Variants in RYR2 observed in about 807,000 individuals in gnomAD.
The protein encoded by RYR2 is ryanodine receptor 2, also known as cardiac muscle ryanodine receptor-calcium release channel.
A neutral mutation model predicts 601.1 loss-of-function variants in RYR2; 227 were observed. The ratio of observed to expected loss-of-function variants is 0.38; its 90% confidence interval spans 0.34 to 0.42. The LOEUF is 0.42. Ranked by LOEUF, RYR2 falls within the 10% of genes least tolerant of loss-of-function variation. The probability of loss-of-function intolerance (pLI) is 1.00; values close to 1 mark genes in which losing one functional copy is unlikely to be tolerated. For missense variants in RYR2, 4,646 were observed against 6,156.5 expected, an observed-to-expected ratio of 0.75 and a Z score of 8.21; for synonymous variants, 2,223 against 2,175.1, an observed-to-expected ratio of 1.02 and a Z score of -0.61.
intron 24 of RYR2, among the ~76,000 whole-genome samples, chr1:237,526,829 G>T (rs1432560105): frequency 6.6e-6 from 1 of 152,092 alleles, no homozygotes. Context: ...GTTTGATTAA[G>T]TCCCATTTGT....
At chr1:237,128,206 A>G (rs995974047) in intron 1 of RYR2, among the ~76,000 whole-genome samples, 97 of 152,288 alleles carry the variant, frequency 6.4e-4, no homozygotes, top group Admixed American at 1.2e-3. Flanking sequence ...AACACAGCGA[A>G]ACCCTGTCTC....
At chr1:237,703,661 G>A (rs11803385) in intron 66 of RYR2, among the ~76,000 whole-genome samples, 79,886 of 148,568 alleles carry the variant, frequency 0.54, 25,295 homozygotes, top group Middle Eastern at 0.71. Context: ...TTATGACATG[G>A]TAATGTTGAA....
At chr1:237,722,031 A>G (rs1689766768) in intron 73 of RYR2, among the ~76,000 whole-genome samples, 1 of 152,236 alleles carries the variant, frequency 6.6e-6, no homozygotes, top group Non-Finnish European at 1.5e-5. Flanking sequence ...TGTGATTTTA[A>G]AAACATCTAT....
At chr1:237,632,847 T>C (rs1295770527) in intron 42 of RYR2, among the ~76,000 whole-genome samples, 1 of 152,238 alleles carries the variant, frequency 6.6e-6, no homozygotes, top group East Asian at 1.9e-4. Flanking sequence ...GGATGTATTT[T>C]TCACAATACT....
At chr1:237,089,138 G>T (rs12733526) in intron 1 of RYR2, among the ~76,000 whole-genome samples, 4,909 of 152,242 alleles carry the variant, frequency 0.032, 126 homozygotes, top group Non-Finnish European at 0.043. Flanking sequence ...GAAATTCCCT[G>T]CCAATTACAT....
At chr1:237,687,532 C>A in intron 63 of RYR2, 28 bp downstream of exon 63, 5 of 1,571,576 alleles carry the variant, frequency 3.2e-6, no homozygotes, top group Non-Finnish European at 4.4e-6. Flanking sequence ...AAAATACAAG[C>A]ATGGCCATCA....
At chr1:237,286,093 C>G in intron 2 of RYR2, among the ~76,000 whole-genome samples, 1 of 151,796 alleles carries the variant, frequency 6.6e-6, no homozygotes, top group East Asian at 1.9e-4. Context: ...TTCTCTAGTT[C>G]CTTGAGGTGT....
At chr1:237,559,994 G>A (rs1559027216) in intron 27 of RYR2, among the ~76,000 whole-genome samples, 1 of 152,196 alleles carries the variant, frequency 6.6e-6, no homozygotes, top group Non-Finnish European at 1.5e-5. Flanking sequence ...TACCAAAGGA[G>A]AGGCAATGTA....
At chr1:237,667,465 T>C (rs1371539247) in intron 57 of RYR2, among the ~76,000 whole-genome samples, 1 of 152,192 alleles carries the variant, frequency 6.6e-6, no homozygotes, top group Non-Finnish European at 1.5e-5. Context: ...TCTCACCTAG[T>C]TTGGACAGAG....
At chr1:237,248,285 C>A (rs796619109) in intron 1 of RYR2, among the ~76,000 whole-genome samples, 4 of 74,044 alleles carry the variant, frequency 5.4e-5, no homozygotes, top group African/African-American at 3.1e-4. Context: ...CAACCCCGCC[C>A]CCCCCCCCCC....
At chr1:237,320,259 G>A (rs1203888471) in intron 2 of RYR2, among the ~76,000 whole-genome samples, 1 of 152,040 alleles carries the variant, frequency 6.6e-6, no homozygotes, top group East Asian at 1.9e-4. Context: ...TTTAAAAAAT[G>A]CAGCGTATAA....
intron 2 of RYR2, among the ~76,000 whole-genome samples, chr1:237,284,683 T>TCACACACACACAC (rs141656042): frequency 0.016 from 2,312 of 143,570 alleles, 69 homozygotes; most frequent in African/African-American, 0.052. Flanking sequence ...TATATATATG[T>TCACACACACACAC]ACACACACAC....
At chr1:237,727,885 C>A (rs975270539) in intron 76 of RYR2, among the ~76,000 whole-genome samples, 2 of 151,938 alleles carry the variant, frequency 1.3e-5, no homozygotes, top group African/African-American at 4.8e-5. Flanking sequence ...ATTTCAGTCA[C>A]CTTGGAGTTC....
At chr1:237,220,964 TG>T (rs1253953372) in intron 1 of RYR2, among the ~76,000 whole-genome samples, 1 of 152,002 alleles carries the variant, frequency 6.6e-6, no homozygotes, top group African/African-American at 2.4e-5. Flanking sequence ...GGCGTGGTGG[TG>T]GGTGCCCGTA....
intron 8 of RYR2, among the ~76,000 whole-genome samples, chr1:237,382,552 G>A (rs1310879878): frequency 8.3e-6 from 1 of 121,092 alleles, no homozygotes; most frequent in Non-Finnish European, 1.6e-5. Flanking sequence ...ACAGGCCCCG[G>A]TGTGTGATGT....
chr1:237,638,781 G>T (rs775272037), intron 45 of RYR2, among the ~76,000 whole-genome samples: 22 of 152,112 alleles, frequency 1.4e-4, no homozygotes, highest in Non-Finnish European at 2.8e-4. Flanking sequence ...ACAAGTTAGT[G>T]AGAATCAATA....
intron 10 of RYR2, among the ~76,000 whole-genome samples, chr1:237,400,093 G>T (rs1703212314): frequency 6.6e-6 from 1 of 151,974 alleles, no homozygotes; most frequent in South Asian, 2.1e-4. Context: ...GAAAAATCTA[G>T]TAAGTTTGGG....
chr1:237,241,684 A>T (rs1437970765), intron 1 of RYR2, among the ~76,000 whole-genome samples: 2 of 152,200 alleles, frequency 1.3e-5, no homozygotes, highest in Non-Finnish European at 2.9e-5. Flanking sequence ...TCTTGATCAT[A>T]TGCTAAACAA....
intron 84 of RYR2, among the ~76,000 whole-genome samples, chr1:237,765,832 A>G (rs888874200): frequency 4.6e-5 from 7 of 152,214 alleles, no homozygotes; most frequent in Non-Finnish European, 8.8e-5. Flanking sequence ...TAGAGTGACT[A>G]TTATGTGCTA....
Sources: allele counts gnomAD v4.1 joint callset (sites outside exome capture counted in the v4.1 genomes callset), GRCh38; gene constraint gnomAD v4.1.1; transcripts MANE v1.5; gene names NCBI Gene and HGNC (gene_info 2026-07-23, HGNC 2026-07-21).